The following DST variants were observed in gnomAD, a reference collection of about 807,000 sequenced individuals.
The protein encoded by DST is bullous pemphigoid antigen.
Under a neutral mutation model 875.2 loss-of-function variants are expected in DST, and 253 were observed. The observed-to-expected ratio is 0.29, with a 90% CI of 0.26 to 0.32. The LOEUF is 0.32. Ranked by LOEUF, DST falls within the 10% of genes least tolerant of loss-of-function variation. The probability of loss-of-function intolerance (pLI) is 1.00; values close to 1 mark genes in which losing one functional copy is unlikely to be tolerated. For synonymous variants in DST, 3,124 were observed against 3,197.1 expected (o/e 0.98, Z 0.77); for missense variants, 8,287 against 9,111.6 (o/e 0.91, Z 3.68).
Position 56,575,124 on chromosome 6 carries a change from T to G in DST, c.13028-1237A>C, listed in dbSNP as rs140913076. On this transcript the variant is annotated intron_variant, in intron 50 of 103. Coordinates refer to ENST00000680361, the MANE Select transcript of DST (RefSeq NM_001374736.1). ...GAGTGGGGAGGGAGACAGCATTTAA[T>G]ATGCACGAAAATGCCATCGGCAGAG... is the stretch of plus-strand genomic sequence containing the variant. 6.9e-3 allele frequency among the ~76,000 whole-genome samples: 1,044 copies of G among 152,140 alleles called. 9 individuals carry two copies. Among genetic ancestry groups the G allele is most frequent in the African/African-American group, 0.023 (940 of 41,508 alleles).
chr6:56,697,816 A>C (rs2099272389), intron 9 of DST, among the ~76,000 whole-genome samples: 1 of 152,186 alleles, frequency 6.6e-6, no homozygotes, highest in Non-Finnish European at 1.5e-5. Flanking sequence ...TAAAAGCTCT[A>C]GGATCTGATC....
intron 4 of DST, among the ~76,000 whole-genome samples, chr6:56,781,583 A>G (rs1371728097): frequency 2.0e-5 from 3 of 152,130 alleles, no homozygotes; most frequent in Non-Finnish European, 1.5e-5. Context: ...GTATCCTGAG[A>G]CTTTGCTGAA....
intron 1 of DST, 77 bp from the exon 2 acceptor site, chr6:56,953,896 G>GTCTCCCAGGTAA: frequency 7.1e-6 from 8 of 1,124,190 alleles, no homozygotes; most frequent in Non-Finnish European, 9.6e-6. Context: ...GACTTACCTG[G>GTCTCCCAGGTAA]GAGACCAGGG....
At chr6:56,697,860 C>A (rs550968740) in intron 9 of DST, among the ~76,000 whole-genome samples, 2 of 152,200 alleles carry the variant, frequency 1.3e-5, no homozygotes. Context: ...CCTGACAAAG[C>A]CACTGAGGAA....
chr6:56,752,609 A>T (rs1433201075), intron 4 of DST, among the ~76,000 whole-genome samples: 1 of 152,184 alleles, frequency 6.6e-6, no homozygotes, highest in East Asian at 1.9e-4. Context: ...TTCACTCAGC[A>T]TAATACATTT....
At chr6:56,894,947 CA>C in intron 3 of DST, among the ~76,000 whole-genome samples, 4 of 82,556 alleles carry the variant, frequency 4.8e-5, no homozygotes, top group African/African-American at 1.4e-4. Flanking sequence ...AGGCGCCCCT[CA>C]CCTCCCGGAC....
intron 2 of DST, among the ~76,000 whole-genome samples, chr6:56,933,082 G>C (rs554421594): frequency 6.6e-6 from 1 of 152,038 alleles, no homozygotes; most frequent in Non-Finnish European, 1.5e-5. Context: ...GAGGAACTGA[G>C]GACTGATCTC....
rs1397386489 is a variant in DST, at chr6:56,625,161, T to C, written c.4826A>G (p.Gln1609Arg). 1 of 1,606,426 alleles carries C rather than the reference T, an allele frequency of 6.2e-7. No homozygotes were observed. Among genetic ancestry groups the C allele is most frequent in the African/African-American group, 1.3e-5 (1 of 74,780 alleles). The change falls in exon 35 of 104, where the codon CAA becomes CGA. Residue 1609 changes from glutamine (Q) to arginine (R), a missense_variant. Transcript: ENST00000680361. ...RMQSSADLII[Q>R]EFMDLRTRYT... is the part of the protein sequence containing the mutation. ...TTTCTCTCATACTTTTATTACCTCT[T>C]GAATAATGAGATCTGCTGAACTCTG...
chr6:56,762,070 G>A (rs1388115953), intron 4 of DST, among the ~76,000 whole-genome samples: 1 of 151,982 alleles, frequency 6.6e-6, no homozygotes, highest in Non-Finnish European at 1.5e-5. Context: ...GTCTAGACTG[G>A]AGTGCAATGG....
At chr6:56,482,932 C>A (rs915370916) in intron 88 of DST, 55 bp from the exon 89 acceptor site, 37 of 1,335,010 alleles carry the variant, frequency 2.8e-5, no homozygotes, top group Non-Finnish European at 3.5e-5. Flanking sequence ...AAAACAGCAA[C>A]ACATACTGTT....
intron 4 of DST, among the ~76,000 whole-genome samples, chr6:56,763,677 AT>A (rs1175343791): frequency 1.1e-4 from 14 of 129,610 alleles, no homozygotes; most frequent in Non-Finnish European, 2.2e-4. Flanking sequence ...AAAAAAAAAA[AT>A]ACCTATACAC....
intron 49 of DST, among the ~76,000 whole-genome samples, chr6:56,586,355 C>G (rs2098148671): frequency 6.6e-6 from 1 of 151,472 alleles, no homozygotes. Flanking sequence ...ATGTAATGGC[C>G]TTCTTTGTCT....
chr6:56,808,827 T>C (rs2099756408), intron 4 of DST, among the ~76,000 whole-genome samples: 1 of 152,162 alleles, frequency 6.6e-6, no homozygotes, highest in Non-Finnish European at 1.5e-5. Context: ...TAGACAACAT[T>C]TCCTCCCACC....
intron 5 of DST, among the ~76,000 whole-genome samples, chr6:56,727,532 A>T (rs2152921198): frequency 6.6e-6 from 1 of 152,346 alleles, no homozygotes; most frequent in South Asian, 2.1e-4. Flanking sequence ...CGCTTTAGAA[A>T]TTACCCTTTT....
chr6:56,676,584 T>C (rs2099131365), intron 9 of DST, among the ~76,000 whole-genome samples: 1 of 151,936 alleles, frequency 6.6e-6, no homozygotes, highest in African/African-American at 2.4e-5. Flanking sequence ...CCATGTATAA[T>C]GCAGCATTAT....
chr6:56,597,160 G>C (rs765899230), intron 47 of DST, among the ~76,000 whole-genome samples: 1 of 151,880 alleles, frequency 6.6e-6, no homozygotes, highest in Admixed American at 6.6e-5. Context: ...GGATCAATTG[G>C]GCCAGGGAGT....
In DST at chr6:56,561,358, G is replaced by C. The variant is rs188631490; in HGVS notation, c.14260C>G (p.Pro4754Ala). 102 of 1,613,736 alleles carry C rather than the reference G, an allele frequency of 6.3e-5. No homozygotes were observed. In the Middle Eastern group the frequency reaches 1.3e-3, roughly 21 times the overall value. The change falls in exon 57 of 104, where the codon CCT becomes GCT. Residue 4754 changes from proline (P) to alanine (A), a missense_variant. By Grantham distance (27) the Pro-to-Ala change is conservative. Coordinates refer to ENST00000680361, the MANE Select transcript of DST (RefSeq NM_001374736.1). ...ACAGCTTCAGTATCTGTAGGTGCAGGTGTCTGCTGCCATTTTGTTGCAGTT... is the reference window on the plus strand; with the variant it reads ...ACAGCTTCAGTATCTGTAGGTGCAGCTGTCTGCTGCCATTTTGTTGCAGTT... The part of the protein sequence containing the change: ...NKTATKWQQT[P>A]APTDTEAVKT...
At chr6:56,673,499 G>A (rs979557847) in intron 9 of DST, among the ~76,000 whole-genome samples, 2 of 152,148 alleles carry the variant, frequency 1.3e-5, no homozygotes, top group Non-Finnish European at 2.9e-5. Context: ...AGGGAAGTCA[G>A]TAAAGTTCAA....
At position 56,604,009 on chromosome 6, in the gene DST, T is replaced by C. The variant is rs772873897; in HGVS notation, c.10619A>G (p.Tyr3540Cys). 6.2e-6 allele frequency: 10 copies of C among 1,602,068 alleles called. No individual in the cohort carries two copies. In the Admixed American group the frequency reaches 8.6e-5, roughly 14 times the overall value. Residue 3540 changes from tyrosine (Y) to cysteine (C), a missense_variant, in exon 40 of 104, where the codon TAT (tyrosine) becomes TGT (cysteine). Transcript: ENST00000680361. Reference protein sequence around the residue: ...GDIKSKEGNYYSPNLETVKEI... With the variant: ...GDIKSKEGNYCSPNLETVKEI... ...TTTTACAGTTTCTAAATTAGGAGAA[T>C]AGTAGTTTCCTTCTTTGCTTTTAAT...
Sources: gnomAD v4.1 joint callset for allele counts (sites outside exome capture counted in the v4.1 genomes callset) on GRCh38, gnomAD v4.1.1 for gene constraint, MANE v1.5 for transcripts, NCBI Gene and HGNC (gene_info 2026-07-23, HGNC 2026-07-21) for gene names.